The following ASTN1 variants were observed in gnomAD, a reference collection of about 807,000 sequenced individuals.
ASTN1 encodes the protein astrotactin 1, also known as astrotactin-1.
In ASTN1, 41 loss-of-function variants were observed where a neutral mutation model predicts 140.7. That is an observed-to-expected ratio of 0.29 (90% CI 0.23 to 0.38). The LOEUF (loss-of-function observed/expected upper bound fraction) is 0.38, where lower values mean the gene tolerates loss of function less well. ASTN1 is among the 10% of genes least tolerant of loss of function. The pLI is 1.00. For missense variants in ASTN1, 1,479 were observed against 1,678.8 expected, an observed-to-expected ratio of 0.88 and a Z score of 2.08; for synonymous variants, 640 against 652.2, an observed-to-expected ratio of 0.98 and a Z score of 0.29.
At chr1:176,952,280 C>T (rs1344222009) in intron 11 of ASTN1, among the ~76,000 whole-genome samples, 1 of 151,980 alleles carries the variant, frequency 6.6e-6, no homozygotes, top group Non-Finnish European at 1.5e-5. Context: ...CACAAACACA[C>T]ACACACACAC....
At chr1:177,041,759 A>G (rs1043440227) in intron 2 of ASTN1, among the ~76,000 whole-genome samples, 3 of 152,206 alleles carry the variant, frequency 2.0e-5, no homozygotes, top group African/African-American at 7.2e-5. Context: ...ATTAGACTTT[A>G]TCCCTGTTTT....
chr1:176,937,506 A>G (rs915557463), intron 14 of ASTN1, among the ~76,000 whole-genome samples: 2 of 152,206 alleles, frequency 1.3e-5, no homozygotes, highest in Admixed American at 6.5e-5. Context: ...TTCCTTGAGT[A>G]CCTTGAAGAA....
At chr1:176,860,863 A>G (rs1395862975), downstream of ASTN1, among the ~76,000 whole-genome samples, 1 of 152,234 alleles carries the variant, frequency 6.6e-6, no homozygotes, top group Non-Finnish European at 1.5e-5. Flanking sequence ...TGTAGAGAGA[A>G]GATGGGACTC....
chr1:177,160,981 C>A (rs1436811487), intron 1 of ASTN1, among the ~76,000 whole-genome samples: 1 of 152,128 alleles, frequency 6.6e-6, no homozygotes, highest in Non-Finnish European at 1.5e-5. Context: ...CATTCATATT[C>A]AAAGCATTTT....
intron 2 of ASTN1, among the ~76,000 whole-genome samples, chr1:177,052,022 C>T (rs1016863499): frequency 5.9e-5 from 9 of 152,014 alleles, no homozygotes; most frequent in Non-Finnish European, 1.2e-4. Context: ...GAGATCAGAC[C>T]TCAATTATCA....
chr1:176,946,823 T>A (rs1671979084), intron 12 of ASTN1, among the ~76,000 whole-genome samples: 1 of 152,218 alleles, frequency 6.6e-6, no homozygotes. Flanking sequence ...TCAATGTTAG[T>A]AAATATGGGT....
chr1:176,964,124 G>A (rs1672775179), intron 9 of ASTN1, among the ~76,000 whole-genome samples: 1 of 152,204 alleles, frequency 6.6e-6, no homozygotes, highest in Admixed American at 6.5e-5. Flanking sequence ...GGAGGCAAAT[G>A]CAGGAGCAAA....
At chr1:176,910,637 A>G (rs537157570) in intron 16 of ASTN1, among the ~76,000 whole-genome samples, 17 of 152,364 alleles carry the variant, frequency 1.1e-4, no homozygotes, top group South Asian at 8.3e-4. Flanking sequence ...CAATGCGTAC[A>G]TCACAGAGTG....
intron 22 of ASTN1, 180 bp downstream of exon 22, chr1:176,868,664 A>C (rs543822770): frequency 1.7e-6 from 1 of 594,514 alleles, no homozygotes; most frequent in East Asian, 3.4e-5. Context: ...GGACTGCTTA[A>C]ATAGAGCTTA....
intron 1 of ASTN1, among the ~76,000 whole-genome samples, chr1:177,065,433 C>G (rs1045441598): frequency 3.3e-5 from 5 of 152,122 alleles, no homozygotes; most frequent in Non-Finnish European, 5.9e-5. Context: ...GTTACATGGT[C>G]CCTATTCTCA....
chr1:177,043,577 C>T (rs1278211596), intron 2 of ASTN1, among the ~76,000 whole-genome samples: 1 of 152,244 alleles, frequency 6.6e-6, no homozygotes, highest in African/African-American at 2.4e-5. Flanking sequence ...ACAGAAAATT[C>T]TAATCACAGG....
chr1:177,067,888 A>T (rs1237935555), intron 1 of ASTN1, among the ~76,000 whole-genome samples: 1 of 151,576 alleles, frequency 6.6e-6, no homozygotes, highest in Non-Finnish European at 1.5e-5. Context: ...CTAACCCGGG[A>T]AACAATGGCC....
intron 8 of ASTN1, among the ~76,000 whole-genome samples, chr1:177,009,244 T>C (rs1675162859): frequency 2.0e-5 from 3 of 152,192 alleles, no homozygotes; most frequent in Admixed American, 2.0e-4. Context: ...TTTTGGATCT[T>C]TTTGAATAAT....
At chr1:177,117,676 C>T (rs1039207940) in intron 1 of ASTN1, among the ~76,000 whole-genome samples, 1 of 152,110 alleles carries the variant, frequency 6.6e-6, no homozygotes, top group Non-Finnish European at 1.5e-5. Context: ...AAATTAAATG[C>T]CCAATTTCCA....
At chr1:176,949,699 A>G (rs1672113989) in intron 11 of ASTN1, among the ~76,000 whole-genome samples, 2 of 152,236 alleles carry the variant, frequency 1.3e-5, no homozygotes. Flanking sequence ...CAGAATGAAA[A>G]TGCATTTGCA....
At chr1:177,076,938 C>A (rs923311847) in intron 1 of ASTN1, among the ~76,000 whole-genome samples, 1 of 152,048 alleles carries the variant, frequency 6.6e-6, no homozygotes, top group Non-Finnish European at 1.5e-5. Flanking sequence ...TCATCAGGGC[C>A]GGAGACTGGC....
intron 16 of ASTN1, among the ~76,000 whole-genome samples, chr1:176,929,114 C>T (rs12564351): frequency 0.12 from 17,914 of 152,088 alleles, 1,344 homozygotes; most frequent in Admixed American, 0.18. Flanking sequence ...GTGGAGGGTA[C>T]TTGGGGTAGG....
Position 177,047,763 on chromosome 1 carries a change from A to T in ASTN1, c.471+13315T>A, listed in dbSNP as rs141676156. The stretch of plus-strand genomic sequence containing the variant: ...AAGGAAGGCACAAGAAGAGGATCCC[A>T]TGGCCATGCTGGGCATAAGGACAGT... On this transcript the variant is annotated intron_variant, in intron 2 of 22. Coordinates refer to ENST00000361833, the MANE Select transcript of ASTN1 (RefSeq NM_004319.3). 6.7e-4 allele frequency among the ~76,000 whole-genome samples: 102 copies of T among 152,310 alleles called. 3 individuals are homozygous for T. In the East Asian group the frequency reaches 0.015, roughly 22 times the overall value.
chr1:176,897,633 C>T lies in ASTN1; in HGVS notation c.2672-2803G>A, dbSNP rs534699792. On this transcript the variant is annotated intron_variant, in intron 16 of 22. Coordinates refer to ENST00000361833, the MANE Select transcript of ASTN1 (RefSeq NM_004319.3). ...AAATAAACTATGAAAAAGTAACACA[C>T]GGCTACTTTAAAAAAATGTTGTGGA... Among the ~76,000 whole-genome samples, 8 of 152,116 alleles carry T rather than the reference C, an allele frequency of 5.3e-5. No homozygotes were observed. In the South Asian group the frequency reaches 1.7e-3, roughly 32 times the overall value.
Sources: gnomAD v4.1 joint callset for allele counts (sites outside exome capture counted in the v4.1 genomes callset) on GRCh38, gnomAD v4.1.1 for gene constraint, MANE v1.5 for transcripts, NCBI Gene and HGNC (gene_info 2026-07-23, HGNC 2026-07-21) for gene names.